The following GDPD3 variants were observed in gnomAD, a reference collection of about 807,000 sequenced individuals.
The protein encoded by GDPD3 is glycerophosphodiester phosphodiesterase domain containing 3, also known as lysophospholipase D GDPD3.
A neutral mutation model predicts 43.7 loss-of-function variants in GDPD3; 40 were observed. That is an observed-to-expected ratio of 0.91 (90% CI 0.71 to 1.19). The LOEUF is 1.19. Ranked by LOEUF, GDPD3 falls within the 50% of genes most tolerant of loss-of-function variation. The pLI, the probability that GDPD3 is intolerant of heterozygous loss-of-function variation, is 0.00. For synonymous variants in GDPD3, 145 were observed against 162.9 expected (o/e 0.89, Z 0.84); for missense variants, 363 against 415.8 (o/e 0.87, Z 1.11).
chr16:30,104,980 C>G lies in GDPD3; in HGVS notation c.849G>C (p.Ser283=). ...CCACGCTGAAGGCTGCTTCAAAATC[C>G]GACTCTTCATTAAGGCACCAAAAGA... ...QVVFWCLNEE[S]DFEAAFSVGA... The change falls in exon 10 of 10, where the codon TCG becomes TCC. Residue 283 remains serine, a synonymous_variant. Coordinates refer to ENST00000406256, the MANE Select transcript of GDPD3 (RefSeq NM_024307.3). 6.2e-7 allele frequency: 1 copy of G among 1,611,788 alleles called. No homozygotes were observed. Among genetic ancestry groups the G allele is most frequent in the Non-Finnish European group, 8.5e-7 (1 of 1,179,430 alleles).
chr16:30,108,288 G>C (rs774652381), intron 8 of GDPD3, 24 bp from the exon 9 acceptor site: 1 of 1,612,982 alleles, frequency 6.2e-7, no homozygotes, highest in Non-Finnish European at 8.5e-7. Flanking sequence ...GGGGACGTGG[G>C]AGGTGATGAT....
At position 30,112,845 on chromosome 16, in the gene GDPD3, G is replaced by C; in HGVS notation, c.183-52C>G. ...CAGGGGCAGGGGACTGGGATGAGGG[G>C]CATGGTGGCTGGGAGGTGGCCGGGA... On this transcript the variant is annotated intron_variant, in intron 2 of 9. Transcript: ENST00000406256. The surrounding 1 kb of genome is among the most constrained non-coding windows in gnomAD (Gnocchi z 5.4). 2 of 1,585,292 alleles carry C rather than the reference G, an allele frequency of 1.3e-6. No homozygotes were observed. Among genetic ancestry groups the C allele is most frequent in the Non-Finnish European group, 1.7e-6 (2 of 1,163,060 alleles).
rs1567352314 is a variant in GDPD3 at position 30,113,200 on chromosome 16, T to C, written c.140-136A>G. On this transcript the variant is annotated intron_variant, in intron 1 of 9. Coordinates refer to ENST00000406256, the MANE Select transcript of GDPD3 (RefSeq NM_024307.3). This position sits in a 1 kb window ranked among gnomAD's most constrained non-coding sequence, Gnocchi z 5.9. ...CCAGCCAGCCCAGGCTGCGCCAGCA[T>C]CTTCTTCCTCGTCCACACCCTGCCC... The C allele has an allele frequency of 7.3e-7, 1 of 1,371,492 alleles. No individual in the cohort carries two copies. The highest frequency in any genetic ancestry group is 1.0e-6 in the Non-Finnish European group (1 of 997,102). 85.0% of individuals were successfully genotyped at this position (1,371,492 alleles called of 1,614,324 possible).
At chr16:30,106,633 G>A (rs1276398694) in intron 9 of GDPD3, among the ~76,000 whole-genome samples, 1 of 152,220 alleles carries the variant, frequency 6.6e-6, no homozygotes, top group African/African-American at 2.4e-5. Context: ...CTGGGCTCAA[G>A]TGATCCTCCC....
At chr16:30,108,792 C>T (rs2072878269) in intron 7 of GDPD3, among the ~76,000 whole-genome samples, 1 of 151,944 alleles carries the variant, frequency 6.6e-6, no homozygotes, top group Non-Finnish European at 1.5e-5. Context: ...TTGGGCCTGG[C>T]CAGCTTCTTA....
chr16:30,109,109 C>T (rs549993187), intron 7 of GDPD3, among the ~76,000 whole-genome samples: 6 of 152,048 alleles, frequency 3.9e-5, no homozygotes, highest in African/African-American at 9.7e-5. Context: ...GGATTACAGG[C>T]GTGAGCCACC....
At position 30,109,036 on chromosome 16, in the gene GDPD3, T is replaced by A. The variant is rs193050625; in HGVS notation, c.708-604A>T. Among the ~76,000 whole-genome samples, 467 of 152,194 alleles carry A rather than the reference T, an allele frequency of 3.1e-3. 2 individuals are homozygous for A. Among genetic ancestry groups the A allele is most frequent in the African/African-American group, 0.011 (443 of 41,544 alleles). On this transcript the variant is annotated intron_variant, in intron 7 of 9. Transcript: ENST00000406256. ...TAGTAGAGACAGGGTTTCACCCTGT[T>A]AGCCAGGATGGTCTCGATCTCCTGA...
chr16:30,112,817 G>C lies in GDPD3; in HGVS notation c.183-24C>G. 1 of 1,602,502 alleles carries C rather than the reference G, an allele frequency of 6.2e-7. No individual in the cohort carries two copies. The highest frequency in any genetic ancestry group is 8.5e-7 in the Non-Finnish European group (1 of 1,177,812). ...AGCTGTGGGGGTGAAGGTCAGCGGG[G>C]GGCAGGGGCAGGGGACTGGGATGAG... On this transcript the variant is annotated intron_variant, in intron 2 of 9. Transcript: ENST00000406256. The surrounding 1 kb of genome is among the most constrained non-coding windows in gnomAD (Gnocchi z 5.4).
At position 30,112,708 on chromosome 16, in the gene GDPD3, G is replaced by A. The variant is rs768792433; in HGVS notation, c.268C>T (p.Leu90=). The change falls in exon 3 of 10, where the codon CTG becomes TTG. Residue 90 remains leucine (L), a synonymous_variant. Transcript: ENST00000406256. This position sits in a 1 kb window ranked among gnomAD's most constrained non-coding sequence, Gnocchi z 5.4. ...CTGTTTAGGCCCGACTGGCGGCACA[G>A]GTTCTCATCATGTGACACCACCACC... ...RVVVVSHDEN[L]CRQSGLNRDV... The A allele has an allele frequency of 6.2e-7, 1 of 1,613,936 alleles. No individual in the cohort carries two copies. The highest frequency in any genetic ancestry group is 2.2e-5 in the East Asian group (1 of 44,878).
At position 30,107,196 on chromosome 16, in the gene GDPD3, C is replaced by A. The variant is rs77876769; in HGVS notation, c.819+1017G>T. ...ATTATAGCTCACTGCACCCTCGAAA[C>A]CCCGTGCTCAGGTGATCCTCCCATC... On this transcript the variant is annotated intron_variant, in intron 9 of 9. Transcript: ENST00000406256. Among the ~76,000 whole-genome samples the A allele has an allele frequency of 0.012, 1,830 of 152,204 alleles. 153 individuals are homozygous for A. The East Asian group carries it at 0.22, about 19-fold the overall frequency.
In GDPD3 at chr16:30,112,148, T is replaced by G. The variant is rs1033695909; in HGVS notation, c.557A>C (p.Lys186Thr). ...GGGACTCACGGCAGCCTTGCATTTC[T>G]TCATGACCGAGCTCTTCTCCGAGGC... The part of the protein sequence containing the change: ...IWASEKSSVM[K>T]KCKAANPEMP... The change falls in exon 6 of 10, where the codon AAG becomes ACG. Residue 186 changes from lysine (K) to threonine (T), a missense_variant. Physicochemically the swap from Lys to Thr is moderately conservative, Grantham distance 78 (BLOSUM62 -1). Transcript: ENST00000406256. This position sits in a 1 kb window ranked among gnomAD's most constrained non-coding sequence, Gnocchi z 5.4. 1.2e-5 allele frequency: 19 copies of G among 1,613,762 alleles called. No individual in the cohort carries two copies. The highest frequency in any genetic ancestry group is 1.6e-5 in the Non-Finnish European group (19 of 1,179,908).
chr16:30,112,838 A>T lies in GDPD3; in HGVS notation c.183-45T>A, dbSNP rs770777307. 6.3e-7 allele frequency: 1 copy of T among 1,590,986 alleles called. No homozygotes were observed. Among genetic ancestry groups the T allele is most frequent in the Non-Finnish European group, 8.6e-7 (1 of 1,168,368 alleles). On this transcript the variant is annotated intron_variant, in intron 2 of 9. Transcript: ENST00000406256. This position sits in a 1 kb window ranked among gnomAD's most constrained non-coding sequence, Gnocchi z 5.4. Reference sequence around the variant, plus strand: ...CGGGGGGCAGGGGCAGGGGACTGGGATGAGGGGCATGGTGGCTGGGAGGTG... The same window carrying T: ...CGGGGGGCAGGGGCAGGGGACTGGGTTGAGGGGCATGGTGGCTGGGAGGTG...
chr16:30,111,828 G>A (rs2072901777), intron 6 of GDPD3: 3 of 533,154 alleles, frequency 5.6e-6, no homozygotes, highest in African/African-American at 3.8e-5. Context: ...AGCTACTCGG[G>A]AGGCTGAAGC....
At chr16:30,105,737 T>A (rs1567349574) in intron 9 of GDPD3, among the ~76,000 whole-genome samples, 1 of 149,228 alleles carries the variant, frequency 6.7e-6, no homozygotes, top group Non-Finnish European at 1.5e-5. Context: ...TCTCCTAACC[T>A]CGTGATCCAC....
chr16:30,109,121 T>A (rs55890226), intron 7 of GDPD3, among the ~76,000 whole-genome samples: 73,827 of 151,902 alleles, frequency 0.49, 19,237 homozygotes, highest in East Asian at 0.67. Context: ...TGAGCCACCG[T>A]GCCCGGCCAT....
rs1484179134 is a variant in GDPD3 at position 30,112,021 on chromosome 16, G to A, written c.573+111C>T. The stretch of plus-strand genomic sequence containing the variant: ...TTCATTGCCACCGCCACGCCACTGG[G>A]AACTCTCCCAGACCCCTCTAGCTCG... On this transcript the variant is annotated intron_variant, in intron 6 of 9. Coordinates refer to ENST00000406256, the MANE Select transcript of GDPD3 (RefSeq NM_024307.3). The surrounding 1 kb of genome is among the most constrained non-coding windows in gnomAD (Gnocchi z 5.4). 1.3e-6 allele frequency: 1 copy of A among 778,770 alleles called. No homozygotes were observed. Among genetic ancestry groups the A allele is most frequent in the African/African-American group, 1.7e-5 (1 of 58,508 alleles). 48.2% of individuals were successfully genotyped at this position (778,770 alleles called of 1,614,324 possible).
intron 7 of GDPD3, 83 bp from the exon 8 acceptor site, chr16:30,108,515 C>T (rs2072876367): frequency 7.8e-7 from 1 of 1,281,676 alleles, no homozygotes; most frequent in Non-Finnish European, 1.1e-6. Context: ...CCCCCGCCAA[C>T]TAGGGTAGCG....
At chr16:30,109,059 T>C (rs1419908757) in intron 7 of GDPD3, among the ~76,000 whole-genome samples, 2 of 152,072 alleles carry the variant, frequency 1.3e-5, no homozygotes, top group African/African-American at 4.8e-5. Context: ...CTCGATCTCC[T>C]GACTTTGTGA....
At chr16:30,108,504 G>T in intron 7 of GDPD3, 72 bp from the exon 8 acceptor site, 1 of 1,411,652 alleles carries the variant, frequency 7.1e-7, no homozygotes, top group Non-Finnish European at 1.0e-6. Context: ...GGCTGGTAGT[G>T]CCCCCGCCAA....
Sources: allele counts gnomAD v4.1 joint callset (sites outside exome capture counted in the v4.1 genomes callset), GRCh38; gene constraint gnomAD v4.1.1; non-coding constraint Gnocchi (gnomAD v3.1); transcripts MANE v1.5; gene names NCBI Gene and HGNC (gene_info 2026-07-23, HGNC 2026-07-21).